PIK3CD: variants seen among roughly 807,000 people sequenced by gnomAD.
The protein encoded by PIK3CD is phosphatidylinositol 4,5-bisphosphate 3-kinase catalytic subunit delta isoform.
Under a neutral mutation model 122.9 loss-of-function variants are expected in PIK3CD, and 20 were observed. That is an observed-to-expected ratio of 0.16 (90% CI 0.11 to 0.24). The LOEUF (loss-of-function observed/expected upper bound fraction) is 0.24. PIK3CD is among the 10% of genes least tolerant of loss of function. The pLI, the probability that PIK3CD is intolerant of heterozygous loss-of-function variation, is 1.00. For missense variants in PIK3CD, 787 were observed against 1,406.3 expected, an observed-to-expected ratio of 0.56 and a Z score of 7.04; for synonymous variants, 596 against 593.4, an observed-to-expected ratio of 1.00 and a Z score of -0.06.
At position 9,715,226 on chromosome 1, in the gene PIK3CD, A is replaced by G. The variant is rs550218787; in HGVS notation, c.142-315A>G. Among the ~76,000 whole-genome samples the G allele has an allele frequency of 2.0e-5, 3 of 152,274 alleles. No homozygotes were observed. The highest frequency in any genetic ancestry group is 2.1e-4 in the South Asian group (1 of 4,824). ...ACTCCAGGACAGTTAGCTGGGCTGC[A>G]TGAAGGTCATGGCCCCCCGTCTCTG... On this transcript the variant is annotated intron_variant, in intron 3 of 23. Transcript: ENST00000377346. This position sits in a 1 kb window ranked among gnomAD's most constrained non-coding sequence, Gnocchi z 4.1.
At chr1:9,676,763 C>T (rs1051712030) in intron 1 of PIK3CD, among the ~76,000 whole-genome samples, 2 of 152,226 alleles carry the variant, frequency 1.3e-5, no homozygotes, top group African/African-American at 4.8e-5. Flanking sequence ...GCCTTCGGGG[C>T]TTGTCACAAT....
intron 1 of PIK3CD, among the ~76,000 whole-genome samples, chr1:9,675,793 T>C (rs902403270): frequency 2.0e-5 from 3 of 148,794 alleles, no homozygotes; most frequent in African/African-American, 5.0e-5. Flanking sequence ...AGAAACAGGG[T>C]CTCGCTGTGT....
chr1:9,663,591 T>G (rs1233293081), intron 1 of PIK3CD, among the ~76,000 whole-genome samples: 5 of 151,592 alleles, frequency 3.3e-5, no homozygotes, highest in Non-Finnish European at 7.3e-5. Flanking sequence ...TTTTTAATAT[T>G]TTTTTATTAT....
upstream of PIK3CD, among the ~76,000 whole-genome samples, chr1:9,647,526 C>A (rs1237325639): frequency 2.8e-5 from 3 of 106,742 alleles, no homozygotes; most frequent in African/African-American, 1.1e-4. Flanking sequence ...TTATTAGAGA[C>A]GTGGTCTCAC....
Position 9,724,842 on chromosome 1 carries a change from G to A in PIK3CD, c.2903G>A (p.Arg968Gln). Residue 968 changes from arginine (R) to glutamine (Q), a missense_variant, in exon 23 of 24, where the codon CGG becomes CAG. This residue lies in a region of PIK3CD where 60 missense variants were observed against 129.5 expected (regional missense o/e 0.46). Transcript: ENST00000377346. This position sits in a 1 kb window ranked among gnomAD's most constrained non-coding sequence, Gnocchi z 7.3. ...GYCERAYTIL[R>Q]RHGLLFLHLF... Reference sequence around the variant, plus strand: ...TGTGAAAGGGCCTACACCATCCTGCGGCGCCACGGGCTTCTCTTCCTCCAC... The same window carrying A: ...TGTGAAAGGGCCTACACCATCCTGCAGCGCCACGGGCTTCTCTTCCTCCAC... The A allele has an allele frequency of 5.6e-6, 9 of 1,613,886 alleles. No homozygotes were observed. The highest frequency in any genetic ancestry group is 7.6e-6 in the Non-Finnish European group (9 of 1,180,038).
chr1:9,632,298 C>T, the PIK3CD span, among the ~76,000 whole-genome samples: 10 of 152,176 alleles, frequency 6.6e-5, no homozygotes, highest in African/African-American at 2.4e-4. Context: ...AGGCGTGAGC[C>T]ACCGCACCTG....
Position 9,720,923 on chromosome 1 carries a change from C to T in PIK3CD, c.1689+14C>T, listed in dbSNP as rs547520693. On this transcript the variant is annotated intron_variant, in intron 13 of 23. Coordinates refer to ENST00000377346, the MANE Select transcript of PIK3CD (RefSeq NM_005026.5). This position sits in a 1 kb window ranked among gnomAD's most constrained non-coding sequence, Gnocchi z 9.0. ...GATGTGGCCCAGGTGGGTGGGGAGG[C>T]GCACCTGGGGGCGGAGCTGGGGGCA... 24 of 1,573,260 alleles carry T rather than the reference C, an allele frequency of 1.5e-5. No individual in the cohort carries two copies. The highest frequency in any genetic ancestry group is 2.3e-5 in the East Asian group (1 of 42,640).
At chr1:9,667,739 CTTTT>C (rs367559680) in intron 1 of PIK3CD, among the ~76,000 whole-genome samples, 3 of 136,946 alleles carry the variant, frequency 2.2e-5, no homozygotes, top group Non-Finnish European at 3.2e-5. Flanking sequence ...TTTTCTTTTT[CTTTT>C]TTTTTTTTTT....
intron 2 of PIK3CD, among the ~76,000 whole-genome samples, chr1:9,707,943 G>A (rs917272008): frequency 2.7e-5 from 4 of 150,244 alleles, no homozygotes; most frequent in Admixed American, 1.3e-4. Context: ...ATGGGTGCCC[G>A]CCACCACGCC....
At chr1:9,632,073 T>C in the PIK3CD span, among the ~76,000 whole-genome samples, 107,914 of 151,014 alleles carry the variant, frequency 0.71, 39,687 homozygotes, top group Non-Finnish European at 0.79. Flanking sequence ...AGTGCAATGG[T>C]GCGATCTCAG....
rs759221951 is a variant in PIK3CD, at chr1:9,721,409, G to A, written c.1812-35G>A. On this transcript the variant is annotated intron_variant, in intron 14 of 23. Coordinates refer to ENST00000377346, the MANE Select transcript of PIK3CD (RefSeq NM_005026.5). ...GGAGCTCCCTCCTGTCCTGAGTCGG[G>A]GAGCTCCAGGCCCCAGCGCCTTCCT... 1.1e-5 allele frequency: 18 copies of A among 1,612,178 alleles called. No homozygotes were observed. The East Asian group carries it at 3.8e-4, about 34-fold the overall frequency.
intron 1 of PIK3CD, among the ~76,000 whole-genome samples, chr1:9,686,239 G>A (rs1040700843): frequency 1.3e-5 from 2 of 152,142 alleles, no homozygotes; most frequent in African/African-American, 4.8e-5. Flanking sequence ...GCAAGTAGAG[G>A]AGCAGGAATC....
At chr1:9,651,917 G>GCA in intron 1 of PIK3CD, 115 bp downstream of exon 1, 1 of 152,302 alleles carries the variant, frequency 6.6e-6, no homozygotes, top group African/African-American at 2.4e-5. Context: ...CGTCTCTCCG[G>GCA]CACACACAGC....
chr1:9,695,137 T>C (rs543545253), intron 2 of PIK3CD, among the ~76,000 whole-genome samples: 2 of 151,684 alleles, frequency 1.3e-5, no homozygotes, highest in East Asian at 1.9e-4. Context: ...GAAGTAAAAA[T>C]AGAAGAAGTA....
intron 2 of PIK3CD, among the ~76,000 whole-genome samples, chr1:9,694,480 G>A (rs1325168178): frequency 6.6e-6 from 1 of 152,210 alleles, no homozygotes; most frequent in Admixed American, 6.5e-5. Flanking sequence ...GTTGCGGTGA[G>A]CCAAGATCAC....
chr1:9,673,413 C>A (rs190874479), intron 1 of PIK3CD, among the ~76,000 whole-genome samples: 1 of 152,122 alleles, frequency 6.6e-6, no homozygotes. Context: ...TCGTGCACAA[C>A]GCCACATCTG....
At position 9,697,025 on chromosome 1, in the gene PIK3CD, C is replaced by T. The variant is rs144300703; in HGVS notation, c.-33+5454C>T. On this transcript the variant is annotated intron_variant, in intron 2 of 23. Transcript: ENST00000377346. ...ATTGCAGTGAGCTGTACTTGTGACA[C>T]TGCACTCCAGCCTAGGGGACAGAGT... is the stretch of plus-strand genomic sequence containing the variant. 1.0e-4 allele frequency among the ~76,000 whole-genome samples: 15 copies of T among 147,886 alleles called. No individual in the cohort carries two copies. In the East Asian group the frequency reaches 3.0e-3, roughly 30 times the overall value.
intron 1 of PIK3CD, among the ~76,000 whole-genome samples, chr1:9,683,212 G>A (rs1288057439): frequency 2.0e-5 from 3 of 151,626 alleles, no homozygotes; most frequent in African/African-American, 7.3e-5. Context: ...GCAGAGGCGG[G>A]CGGATCACCA....
At chr1:9,637,010 G>T in the PIK3CD span, among the ~76,000 whole-genome samples, 1 of 151,648 alleles carries the variant, frequency 6.6e-6, no homozygotes, top group Non-Finnish European at 1.5e-5. Flanking sequence ...CCATTCTCCT[G>T]CCTCAGCCTC....
Sources: allele counts gnomAD v4.1 joint callset (sites outside exome capture counted in the v4.1 genomes callset), GRCh38; gene constraint gnomAD v4.1.1; regional missense constraint gnomAD v4.1.1; non-coding constraint Gnocchi (gnomAD v3.1); transcripts MANE v1.5; gene names NCBI Gene and HGNC (gene_info 2026-07-23, HGNC 2026-07-21).